CCDC7: variants seen among roughly 807,000 people sequenced by gnomAD.
The protein encoded by CCDC7 is coiled-coil domain-containing protein 7.
CCDC7 carries 183 observed loss-of-function variants against 196.9 expected under a neutral mutation model. That is an observed-to-expected ratio of 0.93 (90% CI 0.82 to 1.05). The LOEUF is 1.05. Among genes scored for constraint, CCDC7 ranks in the 50% least tolerant of loss-of-function variants. CCDC7 has a pLI of 0.00. For missense variants in CCDC7, 1,540 were observed against 1,482.2 expected (o/e 1.04, Z -0.64); for synonymous variants, 525 against 484.6 (o/e 1.08, Z -1.10).
At chr10:32,611,452 T>C (rs1456365445) in intron 18 of CCDC7, among the ~76,000 whole-genome samples, 2 of 152,232 alleles carry the variant, frequency 1.3e-5, no homozygotes, top group Non-Finnish European at 2.9e-5. Flanking sequence ...GTTTTGGCTT[T>C]TGTTGCCATT....
intron 33 of CCDC7, among the ~76,000 whole-genome samples, chr10:32,835,587 T>G (rs1456088607): frequency 3.3e-5 from 5 of 152,004 alleles, no homozygotes; most frequent in Non-Finnish European, 4.4e-5. Flanking sequence ...ACAGGAATAG[T>G]AAACCAAATA....
At chr10:32,762,687 TAG>T (rs1308519231) in intron 28 of CCDC7, among the ~76,000 whole-genome samples, 2 of 151,708 alleles carry the variant, frequency 1.3e-5, no homozygotes, top group Non-Finnish European at 2.9e-5. Context: ...TGGAAGAGAA[TAG>T]ATGACCCAGA....
intron 21 of CCDC7, among the ~76,000 whole-genome samples, chr10:32,678,369 C>G (rs1449352863): frequency 1.3e-5 from 2 of 152,142 alleles, no homozygotes; most frequent in Non-Finnish European, 2.9e-5. Context: ...AGCATCTTTA[C>G]ATGCTAGCTT....
At position 32,713,324 on chromosome 10, in the gene CCDC7, C is replaced by A. The variant is rs1292392512; in HGVS notation, c.2569+1594C>A. 5.3e-5 allele frequency among the ~76,000 whole-genome samples: 8 copies of A among 152,304 alleles called. No individual in the cohort carries two copies. In the East Asian group the frequency reaches 1.5e-3, roughly 29 times the overall value. Reference sequence around the variant, plus strand: ...TCACAGTAATTTGTTGACCAGTATCCAAAAGGCCCAAGAAATGTCATTTTT... The same window carrying A: ...TCACAGTAATTTGTTGACCAGTATCAAAAAGGCCCAAGAAATGTCATTTTT... On this transcript the variant is annotated intron_variant, in intron 25 of 41. Transcript: ENST00000639629.
At chr10:32,504,684 G>A (rs139301186) in intron 9 of CCDC7, among the ~76,000 whole-genome samples, 14 of 152,082 alleles carry the variant, frequency 9.2e-5, no homozygotes, top group African/African-American at 3.4e-4. Flanking sequence ...TTAGGAGTGT[G>A]TTAATTTCTA....
intron 18 of CCDC7, among the ~76,000 whole-genome samples, chr10:32,603,966 G>T (rs1331819859): frequency 1.3e-5 from 2 of 151,998 alleles, no homozygotes; most frequent in Non-Finnish European, 2.9e-5. Context: ...AGTTCCATTT[G>T]TCTATTTTTG....
At chr10:32,590,418 CTCTTTA>C (rs2137805810) in intron 18 of CCDC7, among the ~76,000 whole-genome samples, 1 of 152,076 alleles carries the variant, frequency 6.6e-6, no homozygotes, top group African/African-American at 2.4e-5. Flanking sequence ...TTTGATTTTT[CTCTTTA>C]TGTCTTATTG....
At chr10:32,675,911 G>C (rs2074881453) in intron 21 of CCDC7, 1 of 151,678 alleles carries the variant, frequency 6.6e-6, no homozygotes, top group African/African-American at 2.4e-5. Flanking sequence ...AACCAAAAAA[G>C]AGCCCGCATC....
chr10:32,671,168 T>C lies in CCDC7; in HGVS notation c.2122+7007T>C, dbSNP rs544104759. Among the ~76,000 whole-genome samples the C allele has an allele frequency of 1.1e-3, 174 of 152,206 alleles. 1 individual carries two copies. The highest frequency in any genetic ancestry group is 2.2e-3 in the Non-Finnish European group (150 of 68,012). Reference sequence around the variant, plus strand: ...CACAGTAATGTCCTAGGCCTTGACATTCACCACTCACTTACTCACTCACTC... The same window carrying C: ...CACAGTAATGTCCTAGGCCTTGACACTCACCACTCACTTACTCACTCACTC... On this transcript the variant is annotated intron_variant, in intron 21 of 41. Transcript: ENST00000639629.
chr10:32,545,020 C>A (rs1045599669), intron 13 of CCDC7, among the ~76,000 whole-genome samples: 7 of 152,062 alleles, frequency 4.6e-5, no homozygotes, highest in Non-Finnish European at 1.0e-4. Context: ...AAACCAAAAG[C>A]CCCCATAAAT....
chr10:32,751,936 C>A (rs1176672576), intron 28 of CCDC7, among the ~76,000 whole-genome samples: 4 of 152,092 alleles, frequency 2.6e-5, no homozygotes, highest in Middle Eastern at 3.2e-3. Flanking sequence ...ATAATAAATG[C>A]CTAACTCACT....
chr10:32,572,483 T>G (rs2057698300), intron 16 of CCDC7, among the ~76,000 whole-genome samples: 1 of 152,166 alleles, frequency 6.6e-6, no homozygotes, highest in Non-Finnish European at 1.5e-5. Context: ...TTTTAAATAT[T>G]TATGGATTAT....
chr10:32,814,365 T>C lies in CCDC7; in HGVS notation c.3098-5T>C. The C allele has an allele frequency of 1.3e-6, 2 of 1,586,958 alleles. No individual in the cohort carries two copies. Among genetic ancestry groups the C allele is most frequent in the Middle Eastern group, 1.7e-4 (1 of 6,000 alleles). On this transcript the variant is annotated splice_region_variant and splice_polypyrimidine_tract_variant and intron_variant, in intron 30 of 41. Coordinates refer to ENST00000639629, the Ensembl canonical transcript of CCDC7. ...CAGTGTTTTGATACCTGTTTATTTC[T>C]ATAGGGCCTGATATAGAACAATTGA... is the stretch of plus-strand genomic sequence containing the variant.
At chr10:32,693,878 C>G (rs897136109) in intron 23 of CCDC7, among the ~76,000 whole-genome samples, 3 of 152,128 alleles carry the variant, frequency 2.0e-5, no homozygotes, top group African/African-American at 7.2e-5. Context: ...GCTGGCTCCC[C>G]CCTTGTGCTC....
At chr10:32,665,905 C>A (rs548568732) in intron 21 of CCDC7, among the ~76,000 whole-genome samples, 2 of 151,764 alleles carry the variant, frequency 1.3e-5, no homozygotes, top group African/African-American at 2.4e-5. Flanking sequence ...CATTGTAGAA[C>A]TTTTTTTCCT....
At chr10:32,451,216 C>T (rs942412309), upstream of CCDC7, among the ~76,000 whole-genome samples, 1 of 152,150 alleles carries the variant, frequency 6.6e-6, no homozygotes, top group African/African-American at 2.4e-5. Flanking sequence ...AAAAATTTAA[C>T]ACTTACTAGC....
At chr10:32,506,313 C>T (rs1489438058) in intron 9 of CCDC7, among the ~76,000 whole-genome samples, 34 of 150,148 alleles carry the variant, frequency 2.3e-4, no homozygotes, top group East Asian at 4.0e-4. Context: ...CAGGCAGAGA[C>T]GCTCCTCACT....
At chr10:32,481,672 T>A (rs1327961698) in intron 8 of CCDC7, 2 of 152,196 alleles carry the variant, frequency 1.3e-5, no homozygotes, top group Non-Finnish European at 2.9e-5. Flanking sequence ...TCATTTCAGA[T>A]TGAAGAGCTC....
chr10:32,510,341 G>C (rs1231369578), intron 9 of CCDC7, among the ~76,000 whole-genome samples: 5 of 152,138 alleles, frequency 3.3e-5, no homozygotes, highest in Admixed American at 1.3e-4. Flanking sequence ...AGATAAATAA[G>C]CTTTGTAGAT....
Sources: gnomAD v4.1 joint callset for allele counts (sites outside exome capture counted in the v4.1 genomes callset) on GRCh38, gnomAD v4.1.1 for gene constraint, MANE v1.5 for transcripts, NCBI Gene and HGNC (gene_info 2026-07-23, HGNC 2026-07-21) for gene names.